The following RAPGEF2 variants were observed in gnomAD, a reference collection of about 807,000 sequenced individuals.
RAPGEF2 encodes the protein PDZ domain containing guanine nucleotide exchange factor (GEF) 1.
A neutral mutation model predicts 186.7 loss-of-function variants in RAPGEF2; 54 were observed. The observed-to-expected ratio is 0.29, with a 90% CI of 0.23 to 0.36. The LOEUF is 0.36. RAPGEF2 is among the 10% of genes least tolerant of loss of function. RAPGEF2 has a pLI of 1.00. For missense variants in RAPGEF2, 1,532 were observed against 2,045.0 expected (o/e 0.75, Z 4.84); for synonymous variants, 712 against 705.9 (o/e 1.01, Z -0.14).
chr4:159,130,478 C>T (rs1461253322), intron 1 of RAPGEF2, among the ~76,000 whole-genome samples: 1 of 152,174 alleles, frequency 6.6e-6, no homozygotes, highest in Non-Finnish European at 1.5e-5. Context: ...ATCCTCCCAC[C>T]TCAGCCCCCC....
chr4:159,254,600 CT>C lies in RAPGEF2; in HGVS notation c.543+10831del, dbSNP rs34644510. On this transcript the variant is annotated intron_variant, in intron 7 of 29. Coordinates refer to ENST00000691494, the MANE Select transcript of RAPGEF2 (RefSeq NM_001394067.2). ...AAAATCTGTACCTAATACAGCATGACTTTTTTTTTTTTTTTTTTTTTTAAAT... is the reference window on the plus strand; with the variant it reads ...AAAATCTGTACCTAATACAGCATGACTTTTTTTTTTTTTTTTTTTTTAAAT... 9.7e-3 allele frequency among the ~76,000 whole-genome samples: 1,202 copies of C among 124,556 alleles called. 9 individuals carry two copies. The highest frequency in any genetic ancestry group is 0.025 in the African/African-American group (823 of 32,342). 81.7% of individuals were successfully genotyped at this position (124,556 alleles called of 152,430 possible).
At position 159,315,674 on chromosome 4, in the gene RAPGEF2, C is replaced by T. The variant is rs980141000; in HGVS notation, c.853+906C>T. 7.9e-5 allele frequency among the ~76,000 whole-genome samples: 12 copies of T among 152,304 alleles called. 1 individual carries two copies. The Middle Eastern group carries it at 0.01, about 130-fold the overall frequency. ...ATGATAGGTAAGGCCACTTGGGTCA[C>T]GTGTCCACTGGACAGGGGGCCCTTC... is the stretch of plus-strand genomic sequence containing the variant. On this transcript the variant is annotated intron_variant, in intron 9 of 29. Coordinates refer to ENST00000691494, the MANE Select transcript of RAPGEF2 (RefSeq NM_001394067.2).
At position 159,353,054 on chromosome 4, in the gene RAPGEF2, T is replaced by G. The variant is rs1731429077; in HGVS notation, c.4091+144T>G. On this transcript the variant is annotated intron_variant, in intron 27 of 29. Transcript: ENST00000691494. The surrounding 1 kb of genome is among the most constrained non-coding windows in gnomAD (Gnocchi z 4.3). ...CCATCCCAGTTCTGATTTTCACAAT[T>G]TCTACACTAAGTATCATGTTATTTT... The G allele has an allele frequency of 2.6e-6, 2 of 777,134 alleles. No homozygotes were observed. Among genetic ancestry groups the G allele is most frequent in the South Asian group, 1.9e-5 (1 of 51,760 alleles). 48.1% of individuals were successfully genotyped at this position (777,134 alleles called of 1,614,324 possible). A position where few individuals can be genotyped will look rare whatever the true frequency, so the allele number is the denominator to read the frequency against.
At chr4:159,176,234 GT>G (rs764438418) in intron 1 of RAPGEF2, among the ~76,000 whole-genome samples, 5 of 152,198 alleles carry the variant, frequency 3.3e-5, no homozygotes, top group Non-Finnish European at 5.9e-5. Flanking sequence ...TCATTCCAGT[GT>G]GGGGAGCCTT....
intron 3 of RAPGEF2, among the ~76,000 whole-genome samples, chr4:159,202,362 T>C (rs545571887): frequency 1.3e-5 from 2 of 152,320 alleles, no homozygotes; most frequent in African/African-American, 4.8e-5. Flanking sequence ...CACTAACTTC[T>C]AGTTCCAGTT....
chr4:159,118,933 T>C (rs988488811), intron 1 of RAPGEF2, among the ~76,000 whole-genome samples: 1 of 152,330 alleles, frequency 6.6e-6, no homozygotes, highest in African/African-American at 2.4e-5. Flanking sequence ...TTAATAAATA[T>C]TTACTCTTCT....
In RAPGEF2 at chr4:159,340,779, CCACACACACACACACACA is replaced by C. The variant is rs10562531; in HGVS notation, c.2535-767_2535-750del. Among the ~76,000 whole-genome samples the C allele has an allele frequency of 1.4e-4, 15 of 106,138 alleles. No individual in the cohort carries two copies. In the South Asian group the frequency reaches 4.3e-3, roughly 30 times the overall value. The allele number at this position is 106,138 out of a possible 152,430, so 69.6% of individuals were successfully genotyped here. On this transcript the variant is annotated intron_variant, in intron 19 of 29. Coordinates refer to ENST00000691494, the MANE Select transcript of RAPGEF2 (RefSeq NM_001394067.2). ...AAAACAAAAAATACCACCACCATCA[CCACACACACACACACACA>C]CACACACACACACACACGTGTGCGT...
Position 159,151,485 on chromosome 4 carries a change from A to G in RAPGEF2, c.70-35157A>G, listed in dbSNP as rs75907287. Reference sequence around the variant, plus strand: ...TGTGGAAACTTGGGTTCTTGAGAAAATTTTTAAAAATACCGTATTAAGGGC... The same window carrying G: ...TGTGGAAACTTGGGTTCTTGAGAAAGTTTTTAAAAATACCGTATTAAGGGC... On this transcript the variant is annotated intron_variant, in intron 1 of 29. Coordinates refer to ENST00000691494, the MANE Select transcript of RAPGEF2 (RefSeq NM_001394067.2). Among the ~76,000 whole-genome samples, 801 of 152,284 alleles carry G rather than the reference A, an allele frequency of 5.3e-3. 2 individuals carry two copies. Among genetic ancestry groups the G allele is most frequent in the Non-Finnish European group, 9.2e-3 (624 of 68,028 alleles).
intron 4 of RAPGEF2, among the ~76,000 whole-genome samples, chr4:159,217,690 G>A (rs904675964): frequency 6.6e-6 from 1 of 152,174 alleles, no homozygotes; most frequent in Non-Finnish European, 1.5e-5. Flanking sequence ...GGATGGCTGG[G>A]TCAAATGGCA....
intron 1 of RAPGEF2, among the ~76,000 whole-genome samples, chr4:159,171,377 A>G (rs1402624691): frequency 6.6e-6 from 1 of 152,148 alleles, no homozygotes; most frequent in African/African-American, 2.4e-5. Context: ...AGATACTCTT[A>G]TTATTCCTAT....
rs1731480536 is a variant in RAPGEF2, at chr4:159,353,403, A to G, written c.4092-84A>G. 8.9e-7 allele frequency: 1 copy of G among 1,124,994 alleles called. No homozygotes were observed. Among genetic ancestry groups the G allele is most frequent in the African/African-American group, 1.6e-5 (1 of 63,014 alleles). The allele number at this position is 1,124,994 out of a possible 1,614,324, so 69.7% of individuals were successfully genotyped here. A position where few individuals can be genotyped will look rare whatever the true frequency, so the allele number is the denominator to read the frequency against. On this transcript the variant is annotated intron_variant, in intron 27 of 29. Coordinates refer to ENST00000691494, the MANE Select transcript of RAPGEF2 (RefSeq NM_001394067.2). This position sits in a 1 kb window ranked among gnomAD's most constrained non-coding sequence, Gnocchi z 4.3. The stretch of plus-strand genomic sequence containing the variant: ...GATGAAAGCAAGCTACCTTTCTAGG[A>G]AAAAGGGTATTTTGGTTTTATCATA...
chr4:159,233,981 C>T lies in RAPGEF2; in HGVS notation c.282-4828C>T, dbSNP rs1752945509. 2.0e-5 allele frequency among the ~76,000 whole-genome samples: 3 copies of T among 152,032 alleles called. No individual in the cohort carries two copies. The South Asian group carries it at 6.2e-4, about 32-fold the overall frequency. The stretch of plus-strand genomic sequence containing the variant: ...TTGTTCTTTTTCAAGATTGTCTTGG[C>T]AAATTAGGGCCCCCTGAATTTCCAT... On this transcript the variant is annotated intron_variant, in intron 4 of 29. Coordinates refer to ENST00000691494, the MANE Select transcript of RAPGEF2 (RefSeq NM_001394067.2).
At chr4:159,333,927 T>TC (rs1319721842) in intron 17 of RAPGEF2, among the ~76,000 whole-genome samples, 1 of 152,222 alleles carries the variant, frequency 6.6e-6, no homozygotes, top group Non-Finnish European at 1.5e-5. Context: ...TTAAGAAAAC[T>TC]CCATTTCAGA....
At chr4:159,267,073 C>T (rs1361402155) in intron 7 of RAPGEF2, 2 of 881,842 alleles carry the variant, frequency 2.3e-6, no homozygotes, top group Non-Finnish European at 3.0e-6. Context: ...CTGAATATTT[C>T]AGTGTGTATA....
intron 1 of RAPGEF2, among the ~76,000 whole-genome samples, chr4:159,172,062 G>A (rs1438405504): frequency 6.6e-6 from 1 of 152,004 alleles, no homozygotes; most frequent in Non-Finnish European, 1.5e-5. Context: ...CCACAATAAA[G>A]GAGAACTCTT....
At chr4:159,123,835 C>T (rs1172591612) in intron 1 of RAPGEF2, among the ~76,000 whole-genome samples, 1 of 150,168 alleles carries the variant, frequency 6.7e-6, no homozygotes, top group Non-Finnish European at 1.5e-5. Context: ...TATCGTTTTA[C>T]TTTTGTTGTT....
At chr4:159,292,603 T>G (rs1696908076) in intron 7 of RAPGEF2, among the ~76,000 whole-genome samples, 1 of 152,096 alleles carries the variant, frequency 6.6e-6, no homozygotes, top group African/African-American at 2.4e-5. Context: ...CCTAATGAAA[T>G]AAGTTTACTT....
chr4:159,113,740 CAA>C (rs11311075), intron 1 of RAPGEF2, among the ~76,000 whole-genome samples: 2,230 of 86,632 alleles, frequency 0.026, 33 homozygotes, highest in African/African-American at 0.069. Context: ...GACTCTGTCT[CAA>C]AAAAAAAAAA....
intron 2 of RAPGEF2, among the ~76,000 whole-genome samples, chr4:159,192,303 A>G (rs573541712): frequency 2.0e-5 from 3 of 152,174 alleles, no homozygotes; most frequent in South Asian, 4.1e-4. Context: ...CGCGAAGAAC[A>G]AGGAAAAAAA....
Sources: allele counts gnomAD v4.1 joint callset (sites outside exome capture counted in the v4.1 genomes callset), GRCh38; gene constraint gnomAD v4.1.1; non-coding constraint Gnocchi (gnomAD v3.1); transcripts MANE v1.5; gene names NCBI Gene and HGNC (gene_info 2026-07-23, HGNC 2026-07-21).